PHF3: variants seen among roughly 807,000 people sequenced by gnomAD.
PHF3 encodes the protein PHD finger protein 3.
Under a neutral mutation model 178.4 loss-of-function variants are expected in PHF3, and 41 were observed. That is an observed-to-expected ratio of 0.23 (90% CI 0.18 to 0.30). The LOEUF (loss-of-function observed/expected upper bound fraction) is 0.30. Among genes scored for constraint, PHF3 ranks in the 10% least tolerant of loss-of-function variants. The probability of loss-of-function intolerance (pLI) is 1.00; values close to 1 mark genes in which losing one functional copy is unlikely to be tolerated. For missense variants in PHF3, 2,346 were observed against 2,398.1 expected (o/e 0.98, Z 0.45); for synonymous variants, 842 against 800.5 (o/e 1.05, Z -0.88).
rs1768435499 is a variant in PHF3, at chr6:63,722,438, C to G, written c.*8730C>G. 6.6e-6 allele frequency among the ~76,000 whole-genome samples: 1 copy of G among 152,130 alleles called. No homozygotes were observed. The highest frequency in any genetic ancestry group is 1.5e-5 in the Non-Finnish European group (1 of 68,028). On this transcript the variant is annotated 3_prime_UTR_variant, in exon 16 of 16. Transcript: ENST00000262043. ...TGCCTTAATATCACTAGGTTTCCCT[C>G]CATTACAGTATATCTCATTTTATAA...
At chr6:63,653,696 G>A (rs969628879) in intron 2 of PHF3, among the ~76,000 whole-genome samples, 1 of 152,100 alleles carries the variant, frequency 6.6e-6, no homozygotes, top group Non-Finnish European at 1.5e-5. Flanking sequence ...ATGAAAATGG[G>A]CATCCTTGTC....
At chr6:63,666,437 G>A (rs945784720) in intron 2 of PHF3, among the ~76,000 whole-genome samples, 20 of 151,330 alleles carry the variant, frequency 1.3e-4, no homozygotes, top group Non-Finnish European at 2.4e-4. Flanking sequence ...TATTTGCTTC[G>A]TGTTTGTCAG....
intron 8 of PHF3, 36 bp downstream of exon 8, chr6:63,698,641 C>CT (rs1767340097): frequency 6.9e-7 from 1 of 1,441,130 alleles, no homozygotes; most frequent in Non-Finnish European, 9.3e-7. Flanking sequence ...ATGCTTCCAA[C>CT]TTTCCTGAGT....
chr6:63,690,845 T>C (rs894301571), intron 4 of PHF3, among the ~76,000 whole-genome samples: 27 of 152,168 alleles, frequency 1.8e-4, no homozygotes, highest in Admixed American at 7.8e-4. Flanking sequence ...AAAGTAGTTA[T>C]AGATACTCCT....
At chr6:63,690,393 T>C (rs1408639951) in intron 4 of PHF3, among the ~76,000 whole-genome samples, 1 of 152,124 alleles carries the variant, frequency 6.6e-6, no homozygotes, top group African/African-American at 2.4e-5. Flanking sequence ...AATAGGCACA[T>C]GAGGAAGAAG....
intron 14 of PHF3, 56 bp from the exon 15 acceptor site, chr6:63,711,111 C>G: frequency 4.0e-6 from 5 of 1,257,866 alleles, no homozygotes; most frequent in Non-Finnish European, 5.4e-6. Context: ...AGTTTTAAAA[C>G]CAAGCTACTC....
At chr6:63,646,388 T>G in intron 1 of PHF3, 139 bp from the exon 2 acceptor site, 2 of 512,842 alleles carry the variant, frequency 3.9e-6, no homozygotes, top group East Asian at 6.9e-5. Flanking sequence ...TAAAAACAAG[T>G]GAGGATTTTT....
In PHF3 at chr6:63,694,712, A is replaced by G; in HGVS notation, c.2628A>G (p.Ile876Met). 6.2e-7 allele frequency: 1 copy of G among 1,600,334 alleles called. No individual in the cohort carries two copies. Among genetic ancestry groups the G allele is most frequent in the Non-Finnish European group, 8.5e-7 (1 of 1,173,048 alleles). The change falls in exon 6 of 16, where the codon ATA becomes ATG. Residue 876 changes from isoleucine (I) to methionine (M), a missense_variant. This residue lies in a region of PHF3 where 252 missense variants were observed against 232.0 expected (regional missense o/e 1.09). Transcript: ENST00000262043. Reference sequence around the variant, plus strand: ...CCTCAGAAGAAAAAAGTGAAAAAATACCGAAAGAGTCTACAACTGTTACTT... The same window carrying G: ...CCTCAGAAGAAAAAAGTGAAAAAATGCCGAAAGAGTCTACAACTGTTACTT... ...RRSSEEKSEK[I>M]PKESTTVTCT...
intron 3 of PHF3, among the ~76,000 whole-genome samples, chr6:63,682,485 T>A (rs2149580476): frequency 6.6e-6 from 1 of 152,244 alleles, no homozygotes; most frequent in South Asian, 2.1e-4. Context: ...CTTTTGGACT[T>A]TTCAAAAAAT....
Position 63,713,055 on chromosome 6 carries a change from T to A in PHF3, c.5467T>A (p.Phe1823Ile). 1 of 1,613,980 alleles carries A rather than the reference T, an allele frequency of 6.2e-7. No homozygotes were observed. The change falls in exon 16 of 16, where the codon TTT becomes ATT. Residue 1823 changes from phenylalanine to isoleucine, a missense_variant. Phe to Ile is a conservative substitution (Grantham distance 21). Around this residue, in one of 8 missense-constraint regions of PHF3, gnomAD observed 839 missense variants for 806.9 expected, o/e 1.04. Coordinates refer to ENST00000262043, the MANE Select transcript of PHF3 (RefSeq NM_001370348.2). ...PGFPFPGPPNFPPQSMFGFPP... is the reference protein window; with the variant it reads ...PGFPFPGPPNIPPQSMFGFPP... The stretch of plus-strand genomic sequence containing the variant: ...ATTTCCATTTCCAGGGCCTCCTAAT[T>A]TTCCCCCACAAAGCATGTTTGGATT...
chr6:63,700,846 T>C (rs1423581926), intron 9 of PHF3, among the ~76,000 whole-genome samples: 2 of 152,182 alleles, frequency 1.3e-5, no homozygotes, highest in Non-Finnish European at 2.9e-5. Context: ...CCTCCCAAAG[T>C]GTGGGGATTA....
chr6:63,656,684 G>T (rs1765249176), intron 2 of PHF3, among the ~76,000 whole-genome samples: 1 of 152,082 alleles, frequency 6.6e-6, no homozygotes, highest in Non-Finnish European at 1.5e-5. Flanking sequence ...TTGTTTCCCT[G>T]TATTCGATCT....
chr6:63,684,373 A>C lies in PHF3; in HGVS notation c.651A>C (p.Ser217=), dbSNP rs764519788. 1.2e-6 allele frequency: 2 copies of C among 1,614,002 alleles called. No homozygotes were observed. Among genetic ancestry groups the C allele is most frequent in the African/African-American group, 1.3e-5 (1 of 75,040 alleles). Residue 217 remains serine (S), a synonymous_variant, in exon 4 of 16, where the codon TCA becomes TCC. Coordinates refer to ENST00000262043, the MANE Select transcript of PHF3 (RefSeq NM_001370348.2). ...TGGTACCTGAAGTATCAGTGTCTTC[A>C]AGTCATTCTTCAGTGTCATCTTGTC... ...IEVVPEVSVS[S]SHSSVSSCLE...
rs150998769 is a variant in PHF3 at position 63,690,235 on chromosome 6, A to G, written c.2190-1502A>G. ...CTTGCTTGTCAACCCCAAATATTCT[A>G]TATTATTTTTTTAAACCAAATTAAT... On this transcript the variant is annotated intron_variant, in intron 4 of 15. Transcript: ENST00000262043. 7.0e-3 allele frequency among the ~76,000 whole-genome samples: 1,070 copies of G among 152,186 alleles called. 15 individuals carry two copies. Among genetic ancestry groups the G allele is most frequent in the South Asian group, 0.024 (114 of 4,828 alleles).
At position 63,698,516 on chromosome 6, in the gene PHF3, G is replaced by C; in HGVS notation, c.2893G>C (p.Glu965Gln). The C allele has an allele frequency of 6.2e-7, 1 of 1,604,174 alleles. No individual in the cohort carries two copies. Among genetic ancestry groups the C allele is most frequent in the Non-Finnish European group, 8.5e-7 (1 of 1,176,608 alleles). The change falls in exon 8 of 16, where the codon GAG becomes CAG. Residue 965 changes from glutamate (E) to glutamine (Q), a missense_variant. Transcript: ENST00000262043. ...AAAAGTTGCCACAAAAATTGAGAAA[G>C]AGCTTTTCTCTTTTTTTCGGGACAC... ...AAKVATKIEKELFSFFRDTDA... is the reference protein window; with the variant it reads ...AAKVATKIEKQLFSFFRDTDA...
Position 63,694,780 on chromosome 6 carries a change from GA to G in PHF3, c.2680+22del. ...TCAAAACCAGGTAGTGAGATGAACAGAAAAAATTATATACTAATATATTTAT... is the reference window on the plus strand; with the variant it reads ...TCAAAACCAGGTAGTGAGATGAACAGAAAAATTATATACTAATATATTTAT... On this transcript the variant is annotated intron_variant, in intron 6 of 15. Transcript: ENST00000262043. 1 of 1,383,564 alleles carries G rather than the reference GA, an allele frequency of 7.2e-7. No homozygotes were observed. The highest frequency in any genetic ancestry group is 9.5e-7 in the Non-Finnish European group (1 of 1,050,278). The allele number at this position is 1,383,564 out of a possible 1,614,324, so 85.7% of individuals were successfully genotyped here.
At chr6:63,672,489 T>C (rs1765961805) in intron 2 of PHF3, among the ~76,000 whole-genome samples, 1 of 152,224 alleles carries the variant, frequency 6.6e-6, no homozygotes, top group African/African-American at 2.4e-5. Context: ...TTTCATAATG[T>C]TGCTTGGTAG....
At position 63,721,769 on chromosome 6, in the gene PHF3, AT is replaced by A; in HGVS notation, c.*8064del. The A allele has an allele frequency of 6.4e-7, 1 of 1,550,498 alleles. No individual in the cohort carries two copies. Among genetic ancestry groups the A allele is most frequent in the Non-Finnish European group, 8.7e-7 (1 of 1,146,310 alleles). ...GGTTGTAGCGAAGTTGAACGGAACT[AT>A]TTACTAAAGAGATGCATAAAAAATC... On this transcript the variant is annotated 3_prime_UTR_variant, in exon 16 of 16. Coordinates refer to ENST00000262043, the MANE Select transcript of PHF3 (RefSeq NM_001370348.2).
chr6:63,689,779 T>A (rs1247970588), intron 4 of PHF3, among the ~76,000 whole-genome samples: 1 of 152,188 alleles, frequency 6.6e-6, no homozygotes, highest in East Asian at 1.9e-4. Context: ...TTCCTTAATA[T>A]GTGCTTTATA....
Sources: gnomAD v4.1 joint callset for allele counts (sites outside exome capture counted in the v4.1 genomes callset) on GRCh38, gnomAD v4.1.1 for gene constraint, gnomAD v4.1.1 regional missense constraint, MANE v1.5 for transcripts, NCBI Gene and HGNC (gene_info 2026-07-23, HGNC 2026-07-21) for gene names.